The following TSC2 variants were observed in gnomAD, a reference collection of about 807,000 sequenced individuals.
The protein encoded by TSC2 is tuberin.
A neutral mutation model predicts 202.2 loss-of-function variants in TSC2; 29 were observed. That is an observed-to-expected ratio of 0.14 (90% CI 0.11 to 0.20). The LOEUF is 0.20. Ranked by LOEUF, TSC2 falls within the 10% of genes least tolerant of loss-of-function variation. TSC2 has a pLI of 1.00. For synonymous variants in TSC2, 1,349 were observed against 1,044.0 expected (o/e 1.29, Z -5.63); for missense variants, 2,429 against 2,420.0 (o/e 1.00, Z -0.08).
chr16:2,087,730 C>T, intron 38 of TSC2, 133 bp from the exon 39 acceptor site: 1 of 1,138,700 alleles, frequency 8.8e-7, no homozygotes, highest in Admixed American at 2.0e-5. Context: ...AGCCCCGCTG[C>T]CAGAGGGGAA....
intron 26 of TSC2, chr16:2,078,417 T>A (rs1001939805): frequency 1.8e-5 from 3 of 169,022 alleles, no homozygotes; most frequent in African/African-American, 7.2e-5. Context: ...GGCCGGCCTC[T>A]GCTGGGTGGG....
At chr16:2,050,258 A>G (rs2084936946) in intron 2 of TSC2, 142 bp from the exon 3 acceptor site, 6 of 874,242 alleles carry the variant, frequency 6.9e-6, no homozygotes, top group Non-Finnish European at 7.4e-6. Context: ...CGGCTCGTCA[A>G]GTGAATCTTG....
chr16:2,073,624 C>T (rs2088828049), intron 21 of TSC2, among the ~76,000 whole-genome samples: 1 of 152,210 alleles, frequency 6.6e-6, no homozygotes, highest in Non-Finnish European at 1.5e-5. Flanking sequence ...CAGCCCCACC[C>T]TGTTGGGCCC....
chr16:2,076,209 G>T (rs572826449), intron 24 of TSC2, 39 bp downstream of exon 24: 2 of 1,611,830 alleles, frequency 1.2e-6, no homozygotes, highest in African/African-American at 1.3e-5. Flanking sequence ...CTCTCGGTAG[G>T]CCAGGGCTTG....
chr16:2,070,450 C>A lies in TSC2; in HGVS notation c.1717-6C>A. ...CGCCGTGGTGAGCTGCGTCCTCTCT[C>A]TGCAGACCAAGCTGTACACCCTGCC... is the stretch of plus-strand genomic sequence containing the variant. On this transcript the variant is annotated splice_polypyrimidine_tract_variant and splice_region_variant and intron_variant, in intron 16 of 41. Transcript: ENST00000219476. 1 of 1,613,394 alleles carries A rather than the reference C, an allele frequency of 6.2e-7. No homozygotes were observed. The highest frequency in any genetic ancestry group is 8.5e-7 in the Non-Finnish European group (1 of 1,180,038).
At chr16:2,071,744 T>A (rs2088435898) in intron 18 of TSC2, 40 bp from the exon 19 acceptor site, 1 of 1,599,786 alleles carries the variant, frequency 6.3e-7, no homozygotes, top group Non-Finnish European at 8.5e-7. Context: ...CCGTTCCTGC[T>A]GCGGGGACTT....
chr16:2,086,326 T>C lies in TSC2; in HGVS notation c.4796T>C (p.Val1599Ala). Residue 1599 changes from valine (V) to alanine (A), a missense_variant, in exon 37 of 42, where the codon GTG (valine) becomes GCG (alanine). Coordinates refer to ENST00000219476, the MANE Select transcript of TSC2 (RefSeq NM_000548.5). ...AAGGTGTACCTGGGAGGCCTGGACG[T>C]GTGTGGTGAGGACGGCCAGTTCACC... ...PDKVYLGGLD[V>A]CGEDGQFTYC... 6.2e-7 allele frequency: 1 copy of C among 1,612,912 alleles called. No homozygotes were observed.
Position 2,079,792 on chromosome 16 carries a change from G to T in TSC2, c.3397+123G>T. The T allele has an allele frequency of 1.0e-6, 1 of 960,402 alleles. No individual in the cohort carries two copies. Among genetic ancestry groups the T allele is most frequent in the South Asian group, 1.7e-5 (1 of 60,446 alleles). The allele number at this position is 960,402 out of a possible 1,614,324, so 59.5% of individuals were successfully genotyped here. A position where few individuals can be genotyped will look rare whatever the true frequency, so the allele number is the denominator to read the frequency against. On this transcript the variant is annotated intron_variant, in intron 29 of 41. Coordinates refer to ENST00000219476, the MANE Select transcript of TSC2 (RefSeq NM_000548.5). The surrounding 1 kb of genome is among the most constrained non-coding windows in gnomAD (Gnocchi z 4.6). ...GTGGCTGGCTTCAGGCCCGGCCCAC[G>T]TCCTGACTCTGGGGTGAGCCTTCCA...
At chr16:2,059,808 C>T (rs887970746) in intron 10 of TSC2, among the ~76,000 whole-genome samples, 6 of 152,010 alleles carry the variant, frequency 3.9e-5, no homozygotes, top group African/African-American at 1.5e-4. Context: ...TATGAGTCAC[C>T]GTGCCCGGCC....
Position 2,079,265 on chromosome 16 carries a change from C to T in TSC2, c.3132-11C>T, listed in dbSNP as rs2089819486. ...ACGGGCAAGCTGGGTTTCACGCTCC[C>T]TGTCTTCTAGGTCTCCTGTGGGCGA... is the stretch of plus-strand genomic sequence containing the variant. On this transcript the variant is annotated splice_polypyrimidine_tract_variant and intron_variant, in intron 27 of 41. Transcript: ENST00000219476. This position sits in a 1 kb window ranked among gnomAD's most constrained non-coding sequence, Gnocchi z 4.6. 2 of 1,612,910 alleles carry T rather than the reference C, an allele frequency of 1.2e-6. No individual in the cohort carries two copies. The highest frequency in any genetic ancestry group is 1.7e-6 in the Non-Finnish European group (2 of 1,180,030).
At chr16:2,083,115 G>A (rs934770486) in intron 32 of TSC2, 20 of 455,324 alleles carry the variant, frequency 4.4e-5, no homozygotes, top group Admixed American at 2.8e-4. Flanking sequence ...TGGGGCGCCC[G>A]GGGGCTGTGA....
intron 37 of TSC2, 104 bp downstream of exon 37, chr16:2,086,483 C>A: frequency 6.7e-7 from 1 of 1,492,818 alleles, no homozygotes; most frequent in Non-Finnish European, 9.1e-7. Flanking sequence ...GGCACCCCCA[C>A]CTGCTCCAGC....
chr16:2,075,726 G>C (rs1313269569), intron 22 of TSC2, 73 bp from the exon 23 acceptor site: 4 of 1,515,562 alleles, frequency 2.6e-6, no homozygotes, highest in East Asian at 2.3e-5. Flanking sequence ...GCCGTGGGCA[G>C]AGCAGCCGTG....
chr16:2,086,869 A>C lies in TSC2; in HGVS notation c.4987A>C (p.Lys1663Gln). Reference protein sequence around the residue: ...SGEDFKLGTIKGQFNFVHVIV... With the variant: ...SGEDFKLGTIQGQFNFVHVIV... The stretch of plus-strand genomic sequence containing the variant: ...TGAGGACTTCAAGCTTGGCACCATC[A>C]AGGTGAGTGAGGGGCCGTCAGTGAG... Residue 1663 changes from lysine (K) to glutamine (Q), a missense_variant and splice_region_variant, in exon 38 of 42, where the codon AAG becomes CAG. Transcript: ENST00000219476. The C allele has an allele frequency of 6.3e-7, 1 of 1,586,004 alleles. No individual in the cohort carries two copies. The highest frequency in any genetic ancestry group is 8.6e-7 in the Non-Finnish European group (1 of 1,167,326).
chr16:2,088,832 G>T lies in TSC2; in HGVS notation c.*222G>T. The T allele has an allele frequency of 1.6e-6, 1 of 619,152 alleles. No homozygotes were observed. Among genetic ancestry groups the T allele is most frequent in the Non-Finnish European group, 2.8e-6 (1 of 359,048 alleles). The allele number at this position is 619,152 out of a possible 1,614,324, so 38.4% of individuals were successfully genotyped here. A position where few individuals can be genotyped will look rare whatever the true frequency, so the allele number is the denominator to read the frequency against. Reference sequence around the variant, plus strand: ...CAGAAGCAGGCACAGCCAGCTCCGAGGGCCTTGAGGCTGCCTGGGCCATAC... The same window carrying T: ...CAGAAGCAGGCACAGCCAGCTCCGATGGCCTTGAGGCTGCCTGGGCCATAC... On this transcript the variant is annotated 3_prime_UTR_variant, in exon 42 of 42. Coordinates refer to ENST00000219476, the MANE Select transcript of TSC2 (RefSeq NM_000548.5).
rs778247396 is a variant in TSC2, at chr16:2,063,014, G to A, written c.1404G>A (p.Val468=). 1 of 1,551,460 alleles carries A rather than the reference G, an allele frequency of 6.4e-7. No homozygotes were observed. The highest frequency in any genetic ancestry group is 1.2e-5 in the South Asian group (1 of 84,064). ...CCGTGCGCATCAAGGTGCTGGACGT[G>A]CTGTCCTTTGTGCTGCTCATCAACA... The part of the protein sequence containing the change: ...RGAVRIKVLD[V]LSFVLLINRQ... The change falls in exon 14 of 42, where the codon GTG becomes GTA. Residue 468 remains valine (V), a synonymous_variant. Transcript: ENST00000219476.
At chr16:2,072,410 T>A (rs1488782962) in intron 20 of TSC2, 47 bp downstream of exon 20, 2 of 1,611,166 alleles carry the variant, frequency 1.2e-6, no homozygotes, top group Non-Finnish European at 1.7e-6. Context: ...AGTAGGGTTT[T>A]TCCCCAAAAG....
rs573270698 is a variant in TSC2 at position 2,081,888 on chromosome 16, C to T, written c.3814+90C>T. 5.6e-5 allele frequency: 85 copies of T among 1,518,322 alleles called. 1 individual carries two copies. The highest frequency in any genetic ancestry group is 4.2e-4 in the South Asian group (35 of 84,026). 94.1% of individuals were successfully genotyped at this position (1,518,322 alleles called of 1,614,324 possible). A position where few individuals can be genotyped will look rare whatever the true frequency, so the allele number is the denominator to read the frequency against. Reference sequence around the variant, plus strand: ...CAATGTGGCTCCTCTCTGCTGAGGGCGCCCACACGGCTGGGAGTGGTCCCT... The same window carrying T: ...CAATGTGGCTCCTCTCTGCTGAGGGTGCCCACACGGCTGGGAGTGGTCCCT... On this transcript the variant is annotated intron_variant, in intron 31 of 41. Coordinates refer to ENST00000219476, the MANE Select transcript of TSC2 (RefSeq NM_000548.5).
chr16:2,048,728 T>A lies in TSC2; in HGVS notation c.113T>A (p.Phe38Tyr), dbSNP rs745604417. 1 of 1,613,942 alleles carries A rather than the reference T, an allele frequency of 6.2e-7. No individual in the cohort carries two copies. Among genetic ancestry groups the A allele is most frequent in the Non-Finnish European group, 8.5e-7 (1 of 1,180,010 alleles). The change falls in exon 2 of 42, where the codon TTT (phenylalanine) becomes TAT (tyrosine). Residue 38 changes from phenylalanine to tyrosine, a missense_variant. Coordinates refer to ENST00000219476, the MANE Select transcript of TSC2 (RefSeq NM_000548.5). ...PRSAEGKQTE[F>Y]IITAEILREL... ...TCTGCAGAGGGTAAACAGACGGAGT[T>A]TATCATCACCGCGGAAATACTGAGA... is the stretch of plus-strand genomic sequence containing the variant.
Sources: gnomAD v4.1 joint callset for allele counts (sites outside exome capture counted in the v4.1 genomes callset) on GRCh38, gnomAD v4.1.1 for gene constraint, Gnocchi (gnomAD v3.1) non-coding constraint, MANE v1.5 for transcripts, NCBI Gene and HGNC (gene_info 2026-07-23, HGNC 2026-07-21) for gene names.